Variants in KIF13B observed in about 807,000 individuals in gnomAD.
KIF13B encodes the protein kinesin family member 13B.
A neutral mutation model predicts 222.0 loss-of-function variants in KIF13B; 127 were observed. The ratio of observed to expected loss-of-function variants is 0.57; its 90% CI spans 0.50 to 0.66. The LOEUF (loss-of-function observed/expected upper bound fraction) is 0.66. Among genes scored for constraint, KIF13B ranks in the 30% least tolerant of loss-of-function variants. The pLI, the probability that KIF13B is intolerant of heterozygous loss-of-function variation, is 0.00. For synonymous variants in KIF13B, 976 were observed against 919.0 expected (o/e 1.06, Z -1.12); for missense variants, 2,173 against 2,379.0 (o/e 0.91, Z 1.80).
At chr8:29,235,837 C>G (rs1022054236) in intron 2 of KIF13B, among the ~76,000 whole-genome samples, 4 of 152,094 alleles carry the variant, frequency 2.6e-5, no homozygotes, top group African/African-American at 9.7e-5. Flanking sequence ...TAGAAAGCTA[C>G]GTTGTCATCT....
At chr8:29,225,408 A>C (rs936119) in intron 2 of KIF13B, among the ~76,000 whole-genome samples, 10,389 of 152,208 alleles carry the variant, frequency 0.068, 475 homozygotes, top group African/African-American at 0.12. Flanking sequence ...TGGACTCAAA[A>C]CTACTCAATG....
chr8:29,199,304 C>T (rs1418731065), intron 2 of KIF13B, among the ~76,000 whole-genome samples: 1 of 152,046 alleles, frequency 6.6e-6, no homozygotes, highest in Non-Finnish European at 1.5e-5. Flanking sequence ...TGCTACATGA[C>T]TCCATTCTCA....
At chr8:29,196,258 AAATTTAG>A in intron 2 of KIF13B, 59 bp from the exon 3 acceptor site, 1 of 1,471,740 alleles carries the variant, frequency 6.8e-7, no homozygotes, top group Admixed American at 2.5e-5. Flanking sequence ...AAAAAAAAAA[AAATTTAG>A]TTTAGAAGAC....
chr8:29,173,413 G>A (rs967972776), intron 10 of KIF13B, among the ~76,000 whole-genome samples: 1 of 150,914 alleles, frequency 6.6e-6, no homozygotes, highest in African/African-American at 2.4e-5. Context: ...TCAAGGCCAG[G>A]AGTTCAAGAC....
intron 31 of KIF13B, among the ~76,000 whole-genome samples, chr8:29,114,728 A>G (rs1403625960): frequency 6.6e-6 from 1 of 152,202 alleles, no homozygotes; most frequent in Non-Finnish European, 1.5e-5. Flanking sequence ...TCAACCAGGA[A>G]AAAGAAAAAT....
At chr8:29,145,526 G>A (rs895801105) in intron 18 of KIF13B, among the ~76,000 whole-genome samples, 3 of 152,152 alleles carry the variant, frequency 2.0e-5, no homozygotes, top group African/African-American at 7.2e-5. Flanking sequence ...AGATACTGAG[G>A]AGGCTGAGGC....
intron 22 of KIF13B, 90 bp downstream of exon 22, chr8:29,133,950 G>T: frequency 8.0e-7 from 1 of 1,251,774 alleles, no homozygotes; most frequent in Non-Finnish European, 1.1e-6. Context: ...ACATATAACG[G>T]CACATTTAGT....
In KIF13B at chr8:29,121,538, C is replaced by T. The variant is rs370733172; in HGVS notation, c.3535+1053G>A. On this transcript the variant is annotated intron_variant, in intron 29 of 39. Coordinates refer to ENST00000524189, the MANE Select transcript of KIF13B (RefSeq NM_015254.4). ...CTGAAACTGGATCCCTTCCTTACAC[C>T]TTATACAAAAATCAATTCAAGATGG... Among the ~76,000 whole-genome samples, 4 of 91,986 alleles carry T rather than the reference C, an allele frequency of 4.3e-5. 1 individual carries two copies. The highest frequency in any genetic ancestry group is 1.8e-4 in the African/African-American group (4 of 22,442). The allele number at this position is 91,986 out of a possible 152,430, so 60.3% of individuals were successfully genotyped here.
At chr8:29,082,747 TC>T (rs1286682317) in intron 37 of KIF13B, among the ~76,000 whole-genome samples, 2 of 152,234 alleles carry the variant, frequency 1.3e-5, no homozygotes, top group East Asian at 3.8e-4. Context: ...AATGCTCACT[TC>T]ATCCAAAAAG....
chr8:29,077,649 C>T (rs982114591), intron 37 of KIF13B, among the ~76,000 whole-genome samples: 11 of 152,200 alleles, frequency 7.2e-5, no homozygotes, highest in African/African-American at 2.7e-4. Flanking sequence ...CACATGATTC[C>T]TGCCCTCTGA....
chr8:29,225,041 A>T (rs1814957913), intron 2 of KIF13B, among the ~76,000 whole-genome samples: 1 of 152,232 alleles, frequency 6.6e-6, no homozygotes, highest in Non-Finnish European at 1.5e-5. Flanking sequence ...AGTGGAGAGA[A>T]GGAATGAAAG....
At chr8:29,170,922 A>G (rs1157809686) in intron 10 of KIF13B, among the ~76,000 whole-genome samples, 5 of 151,960 alleles carry the variant, frequency 3.3e-5, no homozygotes, top group African/African-American at 1.2e-4. Flanking sequence ...TACAAAAAAG[A>G]AAAAAAAGGA....
intron 37 of KIF13B, among the ~76,000 whole-genome samples, chr8:29,085,705 C>CT (rs71222589): frequency 0.027 from 1,328 of 48,746 alleles, 72 homozygotes; most frequent in East Asian, 0.11. Flanking sequence ...AAATACTCTT[C>CT]TTTTTTTTTT....
intron 2 of KIF13B, among the ~76,000 whole-genome samples, chr8:29,206,799 A>T (rs1036023412): frequency 2.6e-5 from 4 of 152,200 alleles, no homozygotes; most frequent in Non-Finnish European, 5.9e-5. Flanking sequence ...TATGTCATAT[A>T]ATAGGTGCTA....
intron 1 of KIF13B, among the ~76,000 whole-genome samples, chr8:29,259,111 C>G (rs2117183646): frequency 6.6e-6 from 1 of 152,228 alleles, no homozygotes. Flanking sequence ...TCTTTTTCCA[C>G]TAACAGAGAA....
At chr8:29,187,153 C>T (rs1812971278) in intron 5 of KIF13B, among the ~76,000 whole-genome samples, 1 of 152,096 alleles carries the variant, frequency 6.6e-6, no homozygotes, top group African/African-American at 2.4e-5. Flanking sequence ...ATAGGTTCTC[C>T]CTGTGGACCC....
rs150235048 is a variant in KIF13B at position 29,135,312 on chromosome 8, T to A, written c.2614-1102A>T. On this transcript the variant is annotated intron_variant, in intron 21 of 39. Transcript: ENST00000524189. ...CTCCTGCCTCAGTCTCCCAAAATAC[T>A]GGGATTATAGACATGAGCCACGATG... is the stretch of plus-strand genomic sequence containing the variant. Among the ~76,000 whole-genome samples, 714 of 152,288 alleles carry A rather than the reference T, an allele frequency of 4.7e-3. 9 individuals are homozygous for A. Among genetic ancestry groups the A allele is most frequent in the African/African-American group, 0.017 (694 of 41,548 alleles).
rs1156250085 is a variant in KIF13B at position 29,094,744 on chromosome 8, G to A, written c.4325-1866C>T. Among the ~76,000 whole-genome samples, 5 of 152,220 alleles carry A rather than the reference G, an allele frequency of 3.3e-5. No individual in the cohort carries two copies. In the East Asian group the frequency reaches 7.7e-4, roughly 23 times the overall value. ...TGGATTTAACAGACAACGACTTTAA[G>A]GCAGCTTTCTTAACCAAGTCCAAAG... On this transcript the variant is annotated intron_variant, in intron 36 of 39. Transcript: ENST00000524189.
intron 19 of KIF13B, 165 bp from the exon 20 acceptor site, chr8:29,140,782 G>A (rs1004852682): frequency 3.5e-5 from 22 of 623,224 alleles, no homozygotes; most frequent in African/African-American, 1.7e-4. Context: ...AAAGCACAGC[G>A]CTGTATTACT....
Sources: gnomAD v4.1 joint callset for allele counts (sites outside exome capture counted in the v4.1 genomes callset) on GRCh38, gnomAD v4.1.1 for gene constraint, MANE v1.5 for transcripts, NCBI Gene and HGNC (gene_info 2026-07-23, HGNC 2026-07-21) for gene names.